Variants in CELF2 observed in about 807,000 individuals in gnomAD.
CELF2 encodes the protein CUGBP Elav-like family member 2, also known as CUG triplet repeat RNA-binding protein 2.
In CELF2, 8 loss-of-function variants were observed where a neutral mutation model predicts 62.6. The ratio of observed to expected loss-of-function variants is 0.13; its 90% CI spans 0.07 to 0.23. The LOEUF is 0.23. Ranked by LOEUF, CELF2 falls within the 10% of genes least tolerant of loss-of-function variation. The pLI is 1.00. For synonymous variants in CELF2, 258 were observed against 250.0 expected (o/e 1.03, Z -0.30); for missense variants, 333 against 671.0 (o/e 0.50, Z 5.56).
the CELF2 span, among the ~76,000 whole-genome samples, chr10:10,750,942 A>G: frequency 1.3e-5 from 2 of 152,254 alleles, no homozygotes; most frequent in Non-Finnish European, 2.9e-5. Context: ...AGCATCTATG[A>G]AATCCAAATC....
chr10:10,988,966 AATCTGTATGAATTTAAG>A (rs1330019225), intron 2 of CELF2, among the ~76,000 whole-genome samples: 1 of 152,164 alleles, frequency 6.6e-6, no homozygotes, highest in African/African-American at 2.4e-5. Context: ...AAAAACTAAA[AATCTGTATGAATTTAAG>A]ATCTGTATGA....
At chr10:10,597,536 A>G in the CELF2 span, among the ~76,000 whole-genome samples, 1 of 152,198 alleles carries the variant, frequency 6.6e-6, no homozygotes, top group Non-Finnish European at 1.5e-5. Context: ...AAAAAAATCA[A>G]CTCTAATGAC....
Position 11,314,344 on chromosome 10 carries a change from G to GA in CELF2, c.1096+91dup. The GA allele has an allele frequency of 1.3e-6, 2 of 1,575,724 alleles. No homozygotes were observed. Among genetic ancestry groups the GA allele is most frequent in the South Asian group, 1.1e-5 (1 of 89,912 alleles). On this transcript the variant is annotated intron_variant, in intron 10 of 12. Transcript: ENST00000633077. The surrounding 1 kb of genome is among the most constrained non-coding windows in gnomAD (Gnocchi z 5.3). ...GAAAGTGGTCAGCCAGAAATGACCC[G>GA]AAAAAGGATATGCCACGGGGAGAAC...
the CELF2 span, among the ~76,000 whole-genome samples, chr10:10,772,562 T>C: frequency 1.3e-5 from 2 of 152,204 alleles, no homozygotes; most frequent in African/African-American, 2.4e-5. Context: ...AGGGTCCGAG[T>C]CAATGAGCTT....
chr10:10,731,911 C>T, the CELF2 span, among the ~76,000 whole-genome samples: 1 of 152,036 alleles, frequency 6.6e-6, no homozygotes, highest in African/African-American at 2.4e-5. Flanking sequence ...TGTGCTGAGC[C>T]CCGCATGCCC....
At chr10:11,182,761 G>C (rs2073823539) in intron 2 of CELF2, among the ~76,000 whole-genome samples, 1 of 152,152 alleles carries the variant, frequency 6.6e-6, no homozygotes, top group Admixed American at 6.5e-5. Flanking sequence ...TCTGCTCTTT[G>C]GTTGGCCCTG....
At chr10:10,910,537 A>G (rs990430468) in intron 1 of CELF2, among the ~76,000 whole-genome samples, 12 of 151,960 alleles carry the variant, frequency 7.9e-5, no homozygotes, top group African/African-American at 2.4e-4. Flanking sequence ...TATACTAAAA[A>G]ATACAAAAAT....
chr10:11,048,984 T>C (rs1431717123), intron 1 of CELF2, among the ~76,000 whole-genome samples: 3 of 152,204 alleles, frequency 2.0e-5, no homozygotes, highest in African/African-American at 7.2e-5. Flanking sequence ...CATTCATGTA[T>C]TAGAAGCCAG....
chr10:10,762,859 T>C, the CELF2 span, among the ~76,000 whole-genome samples: 3 of 152,120 alleles, frequency 2.0e-5, no homozygotes, highest in South Asian at 6.2e-4. Context: ...CTGGGCAACA[T>C]AGCAAGACCC....
At chr10:11,126,895 T>G (rs367970976) in intron 1 of CELF2, among the ~76,000 whole-genome samples, 1 of 151,922 alleles carries the variant, frequency 6.6e-6, no homozygotes, top group Admixed American at 6.6e-5. Flanking sequence ...TCAGCCTCTT[T>G]ATTGTCTTTT....
chr10:10,833,398 A>G (rs951403811), intron 1 of CELF2, among the ~76,000 whole-genome samples: 16 of 152,206 alleles, frequency 1.1e-4, no homozygotes, highest in African/African-American at 3.6e-4. Context: ...TTTCCGTAGC[A>G]CACAGCAACT....
Position 11,255,531 on chromosome 10 carries a change from C to A in CELF2, c.404-2207C>A, listed in dbSNP as rs2078447361. ...CTTCAATTCCACATCCCCCAGCGAG[C>A]CTTTCTCAAACACCTGGGTGCACGA... On this transcript the variant is annotated intron_variant, in intron 4 of 12. Coordinates refer to ENST00000633077, the MANE Select transcript of CELF2 (RefSeq NM_001326342.2). The surrounding 1 kb of genome is among the most constrained non-coding windows in gnomAD (Gnocchi z 5.5). Among the ~76,000 whole-genome samples the A allele has an allele frequency of 6.6e-6, 1 of 152,186 alleles. No individual in the cohort carries two copies. Among genetic ancestry groups the A allele is most frequent in the South Asian group, 2.1e-4 (1 of 4,826 alleles).
At chr10:10,953,031 C>T (rs2048490962) in intron 2 of CELF2, among the ~76,000 whole-genome samples, 2 of 152,180 alleles carry the variant, frequency 1.3e-5, no homozygotes, top group African/African-American at 4.8e-5. Context: ...ATGCCATCAC[C>T]TTCACATTGT....
At chr10:10,468,038 T>C in the CELF2 span, among the ~76,000 whole-genome samples, 3 of 151,948 alleles carry the variant, frequency 2.0e-5, no homozygotes, top group Non-Finnish European at 4.4e-5. Flanking sequence ...TGGTGTCCTT[T>C]AAATAATTTT....
the CELF2 span, among the ~76,000 whole-genome samples, chr10:10,508,705 TA>T: frequency 3.2e-5 from 1 of 30,894 alleles, no homozygotes; most frequent in Non-Finnish European, 8.1e-5. Context: ...TGTGTGTGTG[TA>T]TATTTTTTTT....
At chr10:11,120,306 G>A (rs1564822172) in intron 1 of CELF2, among the ~76,000 whole-genome samples, 1 of 152,094 alleles carries the variant, frequency 6.6e-6, no homozygotes, top group Non-Finnish European at 1.5e-5. Context: ...ATAGTTAGTA[G>A]CAAGTAGCAA....
At chr10:11,073,775 G>A (rs1157924756) in intron 1 of CELF2, among the ~76,000 whole-genome samples, 6 of 152,214 alleles carry the variant, frequency 3.9e-5, no homozygotes, top group African/African-American at 1.4e-4. Context: ...GGTGATGGCT[G>A]CAGGGTGGTG....
intron 2 of CELF2, among the ~76,000 whole-genome samples, chr10:10,963,059 G>T (rs1214432569): frequency 2.0e-5 from 3 of 147,850 alleles, no homozygotes; most frequent in Non-Finnish European, 3.0e-5. Context: ...GTTTTGTTTT[G>T]TGATGCAGTC....
chr10:10,975,061 T>C (rs2051172412), intron 2 of CELF2, among the ~76,000 whole-genome samples: 1 of 152,222 alleles, frequency 6.6e-6, no homozygotes. Flanking sequence ...GTTTTAGATT[T>C]GGATAGTCCT....
Sources: allele counts gnomAD v4.1 joint callset (sites outside exome capture counted in the v4.1 genomes callset), GRCh38; gene constraint gnomAD v4.1.1; non-coding constraint Gnocchi (gnomAD v3.1); transcripts MANE v1.5; gene names NCBI Gene and HGNC (gene_info 2026-07-23, HGNC 2026-07-21).